Variants in DLG2 observed in about 807,000 individuals in gnomAD.
The protein encoded by DLG2 is disks large homolog 2.
A neutral mutation model predicts 132.5 loss-of-function variants in DLG2; 45 were observed. The ratio of observed to expected loss-of-function variants is 0.34; its 90% confidence interval spans 0.27 to 0.44. The LOEUF (loss-of-function observed/expected upper bound fraction) is 0.44, where lower values mean the gene tolerates loss of function less well. DLG2 is among the 20% of genes least tolerant of loss of function. The pLI is 1.00. For synonymous variants in DLG2, 424 were observed against 419.6 expected (o/e 1.01, Z -0.13); for missense variants, 1,045 against 1,196.9 (o/e 0.87, Z 1.87).
intron 3 of DLG2, among the ~76,000 whole-genome samples, chr11:85,511,439 T>A (rs913571026): frequency 1.3e-5 from 2 of 151,962 alleles, no homozygotes; most frequent in East Asian, 1.9e-4. Flanking sequence ...TAGATTTGAG[T>A]TATTAATTTC....
At chr11:84,889,483 T>G (rs993856216) in intron 6 of DLG2, among the ~76,000 whole-genome samples, 3 of 152,054 alleles carry the variant, frequency 2.0e-5, no homozygotes, top group African/African-American at 7.2e-5. Flanking sequence ...TCAGTATTCC[T>G]ACAAACAACC....
intron 22 of DLG2, 128 bp downstream of exon 22, chr11:83,484,001 C>T (rs1377186413): frequency 1.4e-6 from 1 of 731,658 alleles, no homozygotes; most frequent in Non-Finnish European, 2.4e-6. Context: ...CAGTAGTAGA[C>T]CTGCCCTGCC....
intron 19 of DLG2, among the ~76,000 whole-genome samples, chr11:83,619,191 T>G (rs1279022064): frequency 3.9e-5 from 6 of 152,156 alleles, no homozygotes; most frequent in Non-Finnish European, 8.8e-5. Flanking sequence ...CATCCCATGG[T>G]TTACATCTGA....
intron 6 of DLG2, among the ~76,000 whole-genome samples, chr11:84,681,081 T>C (rs191802645): frequency 9.8e-5 from 15 of 152,328 alleles, no homozygotes; most frequent in Admixed American, 2.6e-4. Context: ...TATGACTTCA[T>C]TGAAATGAGT....
intron 9 of DLG2, among the ~76,000 whole-genome samples, chr11:84,162,840 T>C (rs1207154948): frequency 6.6e-6 from 1 of 152,186 alleles, no homozygotes; most frequent in African/African-American, 2.4e-5. Context: ...TCTTTTTTAA[T>C]GAATGTCCTG....
At chr11:84,591,016 A>AC (rs1444285960) in intron 6 of DLG2, among the ~76,000 whole-genome samples, 1 of 152,072 alleles carries the variant, frequency 6.6e-6, no homozygotes, top group East Asian at 1.9e-4. Context: ...AATAGAGTCC[A>AC]CCTTACTTAG....
intron 4 of DLG2, among the ~76,000 whole-genome samples, chr11:85,219,141 T>TACA (rs2082834719): frequency 6.6e-6 from 1 of 152,100 alleles, no homozygotes; most frequent in East Asian, 1.9e-4. Context: ...ATTACCTGGG[T>TACA]GATGGAATCT....
chr11:84,497,375 A>T (rs2099187505), intron 7 of DLG2, among the ~76,000 whole-genome samples: 1 of 152,074 alleles, frequency 6.6e-6, no homozygotes, highest in Admixed American at 6.6e-5. Flanking sequence ...GATTATTGCT[A>T]CTACAACTGT....
intron 7 of DLG2, among the ~76,000 whole-genome samples, chr11:84,444,469 T>TTTTA (rs918679772): frequency 1.3e-5 from 2 of 152,184 alleles, no homozygotes; most frequent in Non-Finnish European, 2.9e-5. Context: ...GTATGGCCAG[T>TTTTA]TTTATTTATT....
chr11:84,570,045 G>C (rs144514160), intron 6 of DLG2, among the ~76,000 whole-genome samples: 1 of 152,128 alleles, frequency 6.6e-6, no homozygotes, highest in East Asian at 1.9e-4. Context: ...TGTTGGAAAG[G>C]ATGAAGTTTC....
At chr11:85,325,010 C>T (rs1178197646) in intron 3 of DLG2, among the ~76,000 whole-genome samples, 45 of 144,586 alleles carry the variant, frequency 3.1e-4, no homozygotes, top group Non-Finnish European at 4.4e-4. Context: ...AAAGGGGTGA[C>T]GGACGCACCT....
Position 85,518,595 on chromosome 11 carries a change from G to A in DLG2, c.40+80062C>T, listed in dbSNP as rs188187933. 1.4e-4 allele frequency among the ~76,000 whole-genome samples: 22 copies of A among 152,312 alleles called. 1 individual carries two copies. The highest frequency in any genetic ancestry group is 4.1e-4 in the African/African-American group (17 of 41,562). On this transcript the variant is annotated intron_variant, in intron 3 of 27. Transcript: ENST00000376104. ...CAAAAGTTTGGAAAATTTGCAGCCT[G>A]ACAATGTGATAGAAAAGAAAAACCC...
At chr11:85,185,949 C>G (rs1260097961) in intron 4 of DLG2, among the ~76,000 whole-genome samples, 2 of 152,008 alleles carry the variant, frequency 1.3e-5, no homozygotes, top group African/African-American at 4.8e-5. Context: ...ATTTAGGTCA[C>G]ATACTAAGTT....
At chr11:84,990,711 C>G (rs965709032) in intron 6 of DLG2, among the ~76,000 whole-genome samples, 1 of 124,354 alleles carries the variant, frequency 8.0e-6, no homozygotes, top group African/African-American at 3.1e-5. Context: ...GCACTAAATG[C>G]TGGAAAGAAT....
chr11:84,288,397 T>G (rs1162643085), intron 7 of DLG2, among the ~76,000 whole-genome samples: 1 of 152,002 alleles, frequency 6.6e-6, no homozygotes, highest in East Asian at 1.9e-4. Context: ...AAGATGAGGG[T>G]GATAATAGAT....
chr11:83,686,888 T>C (rs866051433), intron 18 of DLG2, among the ~76,000 whole-genome samples: 17 of 152,316 alleles, frequency 1.1e-4, no homozygotes, highest in Admixed American at 7.2e-4. Flanking sequence ...TACCTCAGAA[T>C]GTGACCTTAT....
chr11:84,814,343 G>T (rs577037282), intron 6 of DLG2, among the ~76,000 whole-genome samples: 8 of 152,090 alleles, frequency 5.3e-5, no homozygotes, highest in Admixed American at 3.9e-4. Context: ...AACTGGTTAT[G>T]AACTAGACAG....
intron 7 of DLG2, among the ~76,000 whole-genome samples, chr11:84,389,783 T>C (rs2098785622): frequency 6.6e-6 from 1 of 152,184 alleles, no homozygotes; most frequent in African/African-American, 2.4e-5. Context: ...TCATAATTCC[T>C]ACAGTAAGAA....
At chr11:83,929,271 ATCT>A (rs2079660844) in intron 15 of DLG2, among the ~76,000 whole-genome samples, 1 of 152,200 alleles carries the variant, frequency 6.6e-6, no homozygotes, top group Non-Finnish European at 1.5e-5. Context: ...TGATATATCC[ATCT>A]TCACTCTGAA....
Sources: gnomAD v4.1 joint callset for allele counts (sites outside exome capture counted in the v4.1 genomes callset) on GRCh38, gnomAD v4.1.1 for gene constraint, MANE v1.5 for transcripts, NCBI Gene and HGNC (gene_info 2026-07-23, HGNC 2026-07-21) for gene names.